The following MDGA2 variants were observed in gnomAD, a reference collection of about 807,000 sequenced individuals.
MDGA2 encodes the protein MAM domain containing glycosylphosphatidylinositol anchor 2, also known as MAM domain-containing glycosylphosphatidylinositol anchor protein 2.
A neutral mutation model predicts 117.8 loss-of-function variants in MDGA2; 40 were observed. The observed-to-expected ratio is 0.34, with a 90% CI of 0.26 to 0.44. The LOEUF is 0.44. Among genes scored for constraint, MDGA2 ranks in the 20% least tolerant of loss-of-function variants. The probability of loss-of-function intolerance (pLI) is 1.00; values close to 1 mark genes in which losing one functional copy is unlikely to be tolerated. For missense variants in MDGA2, 1,123 were observed against 1,250.6 expected (o/e 0.90, Z 1.54); for synonymous variants, 452 against 439.0 (o/e 1.03, Z -0.37).
At chr14:46,897,133 T>C (rs1883105927) in intron 10 of MDGA2, among the ~76,000 whole-genome samples, 1 of 152,180 alleles carries the variant, frequency 6.6e-6, no homozygotes, top group African/African-American at 2.4e-5. Context: ...AGCCCTAATG[T>C]GATATCCGTA....
intron 3 of MDGA2, among the ~76,000 whole-genome samples, chr14:47,209,611 C>G (rs535179219): frequency 6.6e-6 from 1 of 152,074 alleles, no homozygotes; most frequent in South Asian, 2.1e-4. Flanking sequence ...CTTCTGAACA[C>G]GAATCAGTAA....
intron 1 of MDGA2, among the ~76,000 whole-genome samples, chr14:47,583,996 C>T (rs982077572): frequency 2.2e-4 from 33 of 151,806 alleles, no homozygotes; most frequent in African/African-American, 7.0e-4. Flanking sequence ...CTATCTCCTG[C>T]ATTTTCACGG....
chr14:47,313,743 C>A (rs1256156398), intron 1 of MDGA2, among the ~76,000 whole-genome samples: 1 of 152,088 alleles, frequency 6.6e-6, no homozygotes, highest in East Asian at 1.9e-4. Context: ...ATTGGTTACC[C>A]TAAAGCTGGA....
At chr14:47,070,993 C>G (rs1028436029) in intron 6 of MDGA2, among the ~76,000 whole-genome samples, 1 of 152,216 alleles carries the variant, frequency 6.6e-6, no homozygotes, top group Admixed American at 6.5e-5. Context: ...TCTCTCTCCC[C>G]ACATGGGAAT....
intron 1 of MDGA2, among the ~76,000 whole-genome samples, chr14:47,601,393 A>T (rs531420158): frequency 6.6e-6 from 1 of 152,110 alleles, no homozygotes; most frequent in East Asian, 1.9e-4. Context: ...TTAGAAGCAA[A>T]TTTTTTTAAA....
chr14:47,285,386 A>T (rs1888638263), intron 2 of MDGA2, among the ~76,000 whole-genome samples: 1 of 152,150 alleles, frequency 6.6e-6, no homozygotes, highest in Admixed American at 6.6e-5. Flanking sequence ...TTATTAAGAC[A>T]CAGGATTATA....
chr14:47,394,204 T>C lies in MDGA2; in HGVS notation c.281-92654A>G, dbSNP rs560789206. 5.3e-5 allele frequency among the ~76,000 whole-genome samples: 8 copies of C among 152,284 alleles called. No individual in the cohort carries two copies. In the South Asian group the frequency reaches 1.7e-3, roughly 32 times the overall value. ...ATTGCTTTTTTATCTGTTCATTCATTTGAAATTTTAAACTATCCACAAAAG... is the reference window on the plus strand; with the variant it reads ...ATTGCTTTTTTATCTGTTCATTCATCTGAAATTTTAAACTATCCACAAAAG... On this transcript the variant is annotated intron_variant, in intron 1 of 16. Coordinates refer to ENST00000399232, the MANE Select transcript of MDGA2 (RefSeq NM_001113498.3).
intron 1 of MDGA2, among the ~76,000 whole-genome samples, chr14:47,633,419 T>C (rs1897272301): frequency 6.6e-6 from 1 of 152,218 alleles, no homozygotes; most frequent in Non-Finnish European, 1.5e-5. Context: ...GGAATAATCA[T>C]AGTATTTGTG....
chr14:47,289,194 G>T (rs999313155), intron 2 of MDGA2, among the ~76,000 whole-genome samples: 1 of 151,546 alleles, frequency 6.6e-6, no homozygotes, highest in Non-Finnish European at 1.5e-5. Context: ...AAGTGAAAAG[G>T]ATAAATTGTG....
At chr14:47,343,699 A>C (rs1378913764) in intron 1 of MDGA2, among the ~76,000 whole-genome samples, 1 of 152,190 alleles carries the variant, frequency 6.6e-6, no homozygotes, top group Non-Finnish European at 1.5e-5. Flanking sequence ...GTTTTCATTT[A>C]GTTAATTATA....
At chr14:47,298,725 C>T (rs564616417) in intron 2 of MDGA2, among the ~76,000 whole-genome samples, 278 of 147,972 alleles carry the variant, frequency 1.9e-3, no homozygotes, top group Non-Finnish European at 3.2e-3. Flanking sequence ...CGTTCTGTCG[C>T]CCAGGCTGGA....
At chr14:47,015,192 A>G (rs1284096085) in intron 8 of MDGA2, among the ~76,000 whole-genome samples, 1 of 152,126 alleles carries the variant, frequency 6.6e-6, no homozygotes, top group Non-Finnish European at 1.5e-5. Context: ...CCTCAAAACA[A>G]TTAAAATAAT....
Position 47,634,084 on chromosome 14 carries a change from G to T in MDGA2, c.280+40433C>A, listed in dbSNP as rs113347900. Among the ~76,000 whole-genome samples, 951 of 152,152 alleles carry T rather than the reference G, an allele frequency of 6.3e-3. 7 individuals are homozygous for T. Among genetic ancestry groups the T allele is most frequent in the Non-Finnish European group, 8.4e-3 (574 of 67,966 alleles). On this transcript the variant is annotated intron_variant, in intron 1 of 16. Coordinates refer to ENST00000399232, the MANE Select transcript of MDGA2 (RefSeq NM_001113498.3). ...TGGGAGGTAATTTGGAAAAATGTTT[G>T]TATAGTTTGACTCAGTAATCCTCTC...
At chr14:47,442,826 A>G (rs73258175) in intron 1 of MDGA2, among the ~76,000 whole-genome samples, 4,772 of 152,194 alleles carry the variant, frequency 0.031, 251 homozygotes, top group African/African-American at 0.11. Context: ...ACTTCCAGAA[A>G]TAACTCCTAA....
chr14:47,050,810 A>C (rs1889432012), intron 7 of MDGA2, among the ~76,000 whole-genome samples: 1 of 152,006 alleles, frequency 6.6e-6, no homozygotes, highest in African/African-American at 2.4e-5. Flanking sequence ...AGATACTTGC[A>C]TTGGTGAGAA....
Position 46,874,111 on chromosome 14 carries a change from C to A in MDGA2, c.2527G>T (p.Ala843Ser). 6.4e-7 allele frequency: 1 copy of A among 1,556,462 alleles called. No individual in the cohort carries two copies. The highest frequency in any genetic ancestry group is 1.2e-5 in the South Asian group (1 of 80,712). The change falls in exon 13 of 17, where the codon GCA becomes TCA. Residue 843 changes from alanine (A) to serine (S), a missense_variant. Transcript: ENST00000399232. ...DNFDWTKQST[A>S]TRNTKYTPNT... ...GGAGTATATTTTGTATTTCTTGTTG[C>A]TGTACTTTGCTTTGTCCAGTCAAAA...
chr14:47,540,540 G>GTGTATATATATATA, intron 1 of MDGA2, among the ~76,000 whole-genome samples: 1 of 79,188 alleles, frequency 1.3e-5, no homozygotes, highest in African/African-American at 3.9e-5. Context: ...GTGTGTGTGT[G>GTGTATATATATATA]TATATATATA....
At chr14:47,468,379 C>A (rs1893647720) in intron 1 of MDGA2, among the ~76,000 whole-genome samples, 1 of 152,108 alleles carries the variant, frequency 6.6e-6, no homozygotes, top group Admixed American at 6.6e-5. Context: ...TGCTCTTCAT[C>A]CTGTGCTGCA....
chr14:47,437,535 C>T (rs1440287141), intron 1 of MDGA2, among the ~76,000 whole-genome samples: 2 of 152,064 alleles, frequency 1.3e-5, no homozygotes, highest in Admixed American at 1.3e-4. Flanking sequence ...TATAGTATTT[C>T]CTCATGTCTT....
Sources: allele counts gnomAD v4.1 joint callset (sites outside exome capture counted in the v4.1 genomes callset), GRCh38; gene constraint gnomAD v4.1.1; transcripts MANE v1.5; gene names NCBI Gene and HGNC (gene_info 2026-07-23, HGNC 2026-07-21).